The following DGKI variants were observed in gnomAD, a reference collection of about 807,000 sequenced individuals.
The protein encoded by DGKI is DAG kinase iota.
A neutral mutation model predicts 147.5 loss-of-function variants in DGKI; 55 were observed. That is an observed-to-expected ratio of 0.37 (90% CI 0.30 to 0.47). The LOEUF (loss-of-function observed/expected upper bound fraction) is 0.47, where lower values mean the gene tolerates loss of function less well. Among genes scored for constraint, DGKI ranks in the 20% least tolerant of loss-of-function variants. The pLI is 1.00. For missense variants in DGKI, 1,007 were observed against 1,323.8 expected (o/e 0.76, Z 3.71); for synonymous variants, 469 against 477.1 (o/e 0.98, Z 0.22).
intron 1 of DGKI, among the ~76,000 whole-genome samples, chr7:137,705,665 A>AT (rs1468019868): frequency 2.0e-5 from 3 of 152,190 alleles, no homozygotes; most frequent in African/African-American, 7.2e-5. Context: ...AACTGTACAC[A>AT]TTTGCAAAAC....
intron 5 of DGKI, among the ~76,000 whole-genome samples, chr7:137,648,289 C>T (rs73444525): frequency 0.043 from 6,496 of 152,188 alleles, 490 homozygotes; most frequent in African/African-American, 0.15. Context: ...ATGTTGGAAA[C>T]ATTTGATGCA....
chr7:137,423,209 G>A lies in DGKI; in HGVS notation c.2762-11002C>T, dbSNP rs569143148. On this transcript the variant is annotated intron_variant, in intron 28 of 32. Transcript: ENST00000614521. ...GTCCTTATTTTCCCCACAAATGAGA[G>A]GAAGGTGCCATGTAAAAGAAAAGTG... 3.3e-4 allele frequency among the ~76,000 whole-genome samples: 50 copies of A among 152,304 alleles called. 1 individual carries two copies. Among genetic ancestry groups the A allele is most frequent in the African/African-American group, 1.2e-3 (49 of 41,568 alleles).
intron 8 of DGKI, among the ~76,000 whole-genome samples, chr7:137,610,641 T>C (rs1377836693): frequency 6.6e-6 from 1 of 152,216 alleles, no homozygotes; most frequent in Non-Finnish European, 1.5e-5. Context: ...TAAAAGTTTA[T>C]ATAAGTATAT....
intron 20 of DGKI, among the ~76,000 whole-genome samples, chr7:137,545,005 C>T (rs189698314): frequency 1.5e-3 from 228 of 152,186 alleles, no homozygotes; most frequent in Middle Eastern, 3.4e-3. Flanking sequence ...TCCTGACAGA[C>T]GAAAGGCAGC....
At chr7:137,587,295 G>A in intron 12 of DGKI, 85 bp from the exon 13 acceptor site, 1 of 956,736 alleles carries the variant, frequency 1.0e-6, no homozygotes, top group Non-Finnish European at 1.5e-6. Flanking sequence ...AGGCTTCCAA[G>A]AGCTAAACAG....
At chr7:137,407,283 C>T (rs1274490741) in intron 30 of DGKI, among the ~76,000 whole-genome samples, 1 of 152,208 alleles carries the variant, frequency 6.6e-6, no homozygotes, top group Non-Finnish European at 1.5e-5. Flanking sequence ...CATGCTACTT[C>T]CTGCAAACGA....
chr7:137,644,358 A>G (rs996967589), intron 6 of DGKI, among the ~76,000 whole-genome samples: 19 of 152,370 alleles, frequency 1.2e-4, no homozygotes, highest in African/African-American at 4.6e-4. Flanking sequence ...ATGGAGGCCT[A>G]TGCCCTGGAG....
intron 1 of DGKI, among the ~76,000 whole-genome samples, chr7:137,738,724 TC>T (rs34551825): frequency 0.92 from 133,853 of 145,308 alleles, 61,816 homozygotes; most frequent in Non-Finnish European, 0.97. Context: ...AAGATGAGGT[TC>T]CCCCCCCCCC....
chr7:137,393,759 C>T (rs1441394264), intron 32 of DGKI, among the ~76,000 whole-genome samples: 1 of 152,164 alleles, frequency 6.6e-6, no homozygotes, highest in East Asian at 1.9e-4. Flanking sequence ...TATACCTAGG[C>T]AGCCAGGGAC....
chr7:137,463,796 A>G (rs1178912118), intron 26 of DGKI, among the ~76,000 whole-genome samples, 185 bp from the exon 27 acceptor site: 1 of 152,242 alleles, frequency 6.6e-6, no homozygotes, highest in East Asian at 1.9e-4. Context: ...AACTATTTGT[A>G]TGATTCTGTC....
intron 19 of DGKI, among the ~76,000 whole-genome samples, chr7:137,560,508 G>C (rs995976448): frequency 6.6e-6 from 1 of 152,132 alleles, no homozygotes; most frequent in Non-Finnish European, 1.5e-5. Context: ...GCAGAACAGT[G>C]CTCACCACTA....
At chr7:137,557,775 G>A (rs969635996) in intron 19 of DGKI, among the ~76,000 whole-genome samples, 1 of 152,088 alleles carries the variant, frequency 6.6e-6, no homozygotes, top group Non-Finnish European at 1.5e-5. Flanking sequence ...AACTCTCCTG[G>A]AGCGATTCCC....
chr7:137,803,614 T>A (rs1177173086), intron 1 of DGKI, among the ~76,000 whole-genome samples: 1 of 152,218 alleles, frequency 6.6e-6, no homozygotes, highest in Non-Finnish European at 1.5e-5. Context: ...GCCTTAACAT[T>A]TCATGTCATT....
At chr7:137,520,239 C>T (rs1008466863) in intron 21 of DGKI, among the ~76,000 whole-genome samples, 2 of 152,000 alleles carry the variant, frequency 1.3e-5, no homozygotes, top group African/African-American at 2.4e-5. Flanking sequence ...CAGAGTTGAT[C>T]GTAAGCTGCA....
At chr7:137,491,300 C>T (rs1237526334) in intron 21 of DGKI, among the ~76,000 whole-genome samples, 2 of 152,176 alleles carry the variant, frequency 1.3e-5, no homozygotes, top group East Asian at 1.9e-4. Context: ...ATTAATTGAT[C>T]ATCTGAAGAC....
chr7:137,708,299 C>T (rs139105695), intron 1 of DGKI, among the ~76,000 whole-genome samples: 108 of 152,280 alleles, frequency 7.1e-4, no homozygotes, highest in African/African-American at 2.5e-3. Flanking sequence ...GTAAAGGAAG[C>T]AATTAAACTT....
chr7:137,790,905 T>G (rs1796831167), intron 1 of DGKI, among the ~76,000 whole-genome samples: 1 of 152,218 alleles, frequency 6.6e-6, no homozygotes, highest in Non-Finnish European at 1.5e-5. Context: ...TAGGCAACCT[T>G]CAGCACTTGG....
intron 30 of DGKI, among the ~76,000 whole-genome samples, chr7:137,407,607 A>T (rs553110484): frequency 1.4e-4 from 21 of 146,818 alleles, no homozygotes; most frequent in Non-Finnish European, 2.1e-4. Flanking sequence ...TCCTCTATTT[A>T]AAAAAAAAAA....
chr7:137,544,567 C>T (rs902499248), intron 20 of DGKI, among the ~76,000 whole-genome samples: 1 of 151,940 alleles, frequency 6.6e-6, no homozygotes, highest in Admixed American at 6.6e-5. Flanking sequence ...AAATTAGTAT[C>T]CATAAGATGA....
Sources: gnomAD v4.1 joint callset for allele counts (sites outside exome capture counted in the v4.1 genomes callset) on GRCh38, gnomAD v4.1.1 for gene constraint, MANE v1.5 for transcripts, NCBI Gene and HGNC (gene_info 2026-07-23, HGNC 2026-07-21) for gene names.